The following WWOX variants were observed in gnomAD, a reference collection of about 807,000 sequenced individuals.
The protein encoded by WWOX is WW domain-containing oxidoreductase.
Under a neutral mutation model 46.2 loss-of-function variants are expected in WWOX, and 69 were observed. The observed-to-expected ratio is 1.49, with a 90% CI of 1.23 to 1.82. The LOEUF (loss-of-function observed/expected upper bound fraction) is 1.82. Among genes scored for constraint, WWOX ranks in the 40% most tolerant of loss-of-function variants. The pLI, the probability that WWOX is intolerant of heterozygous loss-of-function variation, is 0.00. For synonymous variants in WWOX, 359 were observed against 202.6 expected, an observed-to-expected ratio of 1.77 and a Z score of -6.56; for missense variants, 919 against 542.6, an observed-to-expected ratio of 1.69 and a Z score of -6.89.
At chr16:78,708,301 A>G (rs758883145) in intron 8 of WWOX, among the ~76,000 whole-genome samples, 10 of 152,152 alleles carry the variant, frequency 6.6e-5, no homozygotes, top group Non-Finnish European at 1.2e-4. Flanking sequence ...TACTCTAAAA[A>G]TTTTCTTTGG....
At position 78,230,249 on chromosome 16, in the gene WWOX, T is replaced by TG. The variant is rs137872115; in HGVS notation, c.516+65961dup. On this transcript the variant is annotated intron_variant, in intron 5 of 8. Coordinates refer to ENST00000566780, the MANE Select transcript of WWOX (RefSeq NM_016373.4). ...GCCAGGGAAGGTTTGTGAAAACATT[T>TG]GAATCACAGAGTCACAAACAGTGAG... Among the ~76,000 whole-genome samples the TG allele has an allele frequency of 4.8e-4, 73 of 152,304 alleles. No homozygotes were observed. The East Asian group carries it at 0.013, about 27-fold the overall frequency.
intron 8 of WWOX, among the ~76,000 whole-genome samples, chr16:78,925,885 C>T (rs540678508): frequency 1.2e-4 from 19 of 152,142 alleles, no homozygotes; most frequent in Non-Finnish European, 2.8e-4. Context: ...TTTGATCCCA[C>T]CCTTGCCTCC....
intron 8 of WWOX, among the ~76,000 whole-genome samples, chr16:79,036,206 G>C (rs534401054): frequency 1.4e-3 from 213 of 152,284 alleles, no homozygotes; most frequent in Non-Finnish European, 2.7e-3. Flanking sequence ...GTCTCAAACA[G>C]TATACCCACT....
chr16:78,992,517 C>T (rs899129019), intron 8 of WWOX, among the ~76,000 whole-genome samples: 4 of 152,054 alleles, frequency 2.6e-5, no homozygotes, highest in African/African-American at 7.2e-5. Flanking sequence ...GCTCATTTTA[C>T]GTTGTATGTA....
intron 8 of WWOX, among the ~76,000 whole-genome samples, chr16:79,059,338 ATCG>A (rs2048319506): frequency 6.6e-6 from 1 of 152,216 alleles, no homozygotes; most frequent in Non-Finnish European, 1.5e-5. Context: ...CATTAACTAT[ATCG>A]TCAACTACCT....
At chr16:78,162,529 C>G (rs74563127) in intron 4 of WWOX, among the ~76,000 whole-genome samples, 1 of 140,404 alleles carries the variant, frequency 7.1e-6, no homozygotes, top group South Asian at 2.3e-4. Context: ...TATATATATA[C>G]ACACACACAC....
intron 8 of WWOX, among the ~76,000 whole-genome samples, chr16:78,914,789 G>A (rs943921062): frequency 1.3e-5 from 2 of 149,118 alleles, no homozygotes; most frequent in South Asian, 2.2e-4. Flanking sequence ...TGAGGCAGGA[G>A]AATGGCGTGA....
intron 8 of WWOX, among the ~76,000 whole-genome samples, chr16:79,156,760 C>A (rs751478706): frequency 6.6e-6 from 1 of 150,496 alleles, no homozygotes; most frequent in Non-Finnish European, 1.5e-5. Context: ...TAAGAATATC[C>A]AAGGGATGTA....
At chr16:78,361,431 G>A (rs960713130) in intron 5 of WWOX, among the ~76,000 whole-genome samples, 5 of 152,118 alleles carry the variant, frequency 3.3e-5, no homozygotes, top group Non-Finnish European at 5.9e-5. Context: ...TTGAGATGAT[G>A]CTGGCAGCCC....
intron 5 of WWOX, among the ~76,000 whole-genome samples, chr16:78,354,912 C>A (rs577813050): frequency 1.3e-5 from 2 of 152,044 alleles, no homozygotes; most frequent in Admixed American, 1.3e-4. Context: ...GGTGAGGAGA[C>A]CACCTGAGGT....
chr16:78,467,574 G>A (rs1301323109), intron 8 of WWOX, among the ~76,000 whole-genome samples: 1 of 152,182 alleles, frequency 6.6e-6, no homozygotes, highest in African/African-American at 2.4e-5. Context: ...TTTGTAAAAT[G>A]ACTTTGAAAA....
chr16:78,195,840 A>AAG (rs61258379), intron 5 of WWOX, among the ~76,000 whole-genome samples: 1 of 139,010 alleles, frequency 7.2e-6, no homozygotes, highest in Non-Finnish European at 1.6e-5. Context: ...AAAAAAAAAA[A>AAG]GAAAAAAAAA....
intron 5 of WWOX, among the ~76,000 whole-genome samples, chr16:78,358,499 A>C (rs1257242420): frequency 6.6e-6 from 1 of 152,142 alleles, no homozygotes; most frequent in Non-Finnish European, 1.5e-5. Flanking sequence ...CTCTACTAAA[A>C]ATACAAAAAT....
intron 5 of WWOX, among the ~76,000 whole-genome samples, chr16:78,226,351 T>G (rs1490212560): frequency 6.6e-6 from 1 of 152,140 alleles, no homozygotes; most frequent in Non-Finnish European, 1.5e-5. Context: ...AATCTCAGCA[T>G]TTTCAGGGAT....
intron 8 of WWOX, among the ~76,000 whole-genome samples, chr16:78,647,726 T>C (rs1693432479): frequency 6.6e-6 from 1 of 152,172 alleles, no homozygotes; most frequent in African/African-American, 2.4e-5. Context: ...TCCTGGCTGG[T>C]AAGTGGCAGA....
intron 8 of WWOX, among the ~76,000 whole-genome samples, chr16:78,541,112 A>G (rs1171727330): frequency 6.6e-6 from 1 of 152,170 alleles, no homozygotes; most frequent in Admixed American, 6.5e-5. Context: ...GAGACCTGAC[A>G]TTTATTTTAA....
At chr16:78,350,718 G>A (rs911098789) in intron 5 of WWOX, among the ~76,000 whole-genome samples, 1 of 121,254 alleles carries the variant, frequency 8.2e-6, no homozygotes, top group Admixed American at 8.0e-5. Flanking sequence ...CATGTAGGTT[G>A]TTTCCACATT....
At chr16:78,306,799 G>C (rs578004415) in intron 5 of WWOX, among the ~76,000 whole-genome samples, 1 of 151,560 alleles carries the variant, frequency 6.6e-6, no homozygotes, top group South Asian at 2.1e-4. Context: ...TCCCCACTGA[G>C]TCCCATTCCT....
intron 8 of WWOX, among the ~76,000 whole-genome samples, chr16:78,573,391 C>T (rs2044767642): frequency 6.6e-6 from 1 of 152,176 alleles, no homozygotes; most frequent in South Asian, 2.1e-4. Context: ...TCTTCTTAGC[C>T]ATTTTGACCT....
Sources: allele counts gnomAD v4.1 joint callset (sites outside exome capture counted in the v4.1 genomes callset), GRCh38; gene constraint gnomAD v4.1.1; transcripts MANE v1.5; gene names NCBI Gene and HGNC (gene_info 2026-07-23, HGNC 2026-07-21).